The following NUTF2 variants were observed in gnomAD, a reference collection of about 807,000 sequenced individuals.
NUTF2 encodes the protein placental protein 15.
NUTF2 carries 3 observed loss-of-function variants against 18.5 expected under a neutral mutation model. The ratio of observed to expected loss-of-function variants is 0.16; its 90% CI spans 0.07 to 0.42. NUTF2 has a LOEUF of 0.42. NUTF2 is among the 10% of genes least tolerant of loss of function. The pLI, the probability that NUTF2 is intolerant of heterozygous loss-of-function variation, is 0.99. For missense variants in NUTF2, 44 were observed against 160.7 expected (o/e 0.27, Z 3.93); for synonymous variants, 51 against 57.9 (o/e 0.88, Z 0.54).
chr16:67,867,406 AACTT>A (rs1161010163), intron 2 of NUTF2, among the ~76,000 whole-genome samples: 1 of 152,232 alleles, frequency 6.6e-6, no homozygotes, highest in Non-Finnish European at 1.5e-5. Context: ...TCAGAGAAAT[AACTT>A]ACTTAATGTC....
At chr16:67,868,142 G>T (rs1361192174) in intron 2 of NUTF2, among the ~76,000 whole-genome samples, 198 bp from the exon 3 acceptor site, 1 of 152,220 alleles carries the variant, frequency 6.6e-6, no homozygotes, top group East Asian at 1.9e-4. Flanking sequence ...GTCTTTCAAA[G>T]CCTGGGCCCA....
intron 4 of NUTF2, chr16:67,870,136 A>G (rs2058001719): frequency 6.6e-6 from 1 of 152,350 alleles, no homozygotes; most frequent in African/African-American, 2.4e-5. Context: ...CAAAGGTAGT[A>G]AACACTGCTG....
chr16:67,859,974 TTA>T (rs1491496217), intron 1 of NUTF2, among the ~76,000 whole-genome samples: 3 of 150,800 alleles, frequency 2.0e-5, no homozygotes, highest in Non-Finnish European at 4.4e-5. Context: ...AGATATTTTA[TTA>T]TTTTTTTTTT....
intron 1 of NUTF2, 42 bp from the exon 2 acceptor site, chr16:67,865,060 C>T (rs1242443356): frequency 4.8e-6 from 5 of 1,033,096 alleles, no homozygotes; most frequent in East Asian, 5.0e-5. Flanking sequence ...CACCTACTCT[C>T]ATGGTACCAA....
intron 1 of NUTF2, among the ~76,000 whole-genome samples, chr16:67,854,175 T>G (rs1359585599): frequency 1.3e-5 from 2 of 152,194 alleles, no homozygotes; most frequent in East Asian, 3.9e-4. Flanking sequence ...GATCTTGATC[T>G]CTTGAACTCT....
At chr16:67,859,126 A>T (rs963495347) in intron 1 of NUTF2, among the ~76,000 whole-genome samples, 1 of 151,846 alleles carries the variant, frequency 6.6e-6, no homozygotes, top group African/African-American at 2.4e-5. Flanking sequence ...TCATGATTAC[A>T]GGTGTGAGCC....
At position 67,868,489 on chromosome 16, in the gene NUTF2, T is replaced by C; in HGVS notation, c.172-12T>C. 1 of 1,614,054 alleles carries C rather than the reference T, an allele frequency of 6.2e-7. No homozygotes were observed. ...GCCTTGGTTCTCCCACCTCCCACTCTCTCTCTTGTAGAGCCTTCCGTTCCA... is the reference window on the plus strand; with the variant it reads ...GCCTTGGTTCTCCCACCTCCCACTCCCTCTCTTGTAGAGCCTTCCGTTCCA... On this transcript the variant is annotated splice_polypyrimidine_tract_variant and intron_variant, in intron 3 of 4. Transcript: ENST00000219169.
intron 1 of NUTF2, among the ~76,000 whole-genome samples, chr16:67,851,109 C>T (rs2057853394): frequency 2.0e-5 from 3 of 151,990 alleles, no homozygotes; most frequent in Admixed American, 6.6e-5. Context: ...CCGAGCCCAT[C>T]TCTTCTCTCT....
chr16:67,858,696 C>G lies in NUTF2; in HGVS notation c.-29-6406C>G, dbSNP rs564786047. 3.1e-3 allele frequency among the ~76,000 whole-genome samples: 474 copies of G among 152,246 alleles called. 1 individual carries two copies. Among genetic ancestry groups the G allele is most frequent in the Non-Finnish European group, 5.4e-3 (369 of 68,018 alleles). On this transcript the variant is annotated intron_variant, in intron 1 of 4. Coordinates refer to ENST00000219169, the MANE Select transcript of NUTF2 (RefSeq NM_005796.3). ...GGGAGTGGCAAGAGATGAGGTTGGACAGCCAGGAGGGCCAGGTCACCTAGG... is the reference window on the plus strand; with the variant it reads ...GGGAGTGGCAAGAGATGAGGTTGGAGAGCCAGGAGGGCCAGGTCACCTAGG...
chr16:67,869,007 A>G (rs2057993581), intron 4 of NUTF2, among the ~76,000 whole-genome samples: 1 of 151,794 alleles, frequency 6.6e-6, no homozygotes, highest in African/African-American at 2.4e-5. Context: ...CCACTCCTGC[A>G]GCCCTTGCTA....
chr16:67,864,360 T>C (rs1298681712), intron 1 of NUTF2, among the ~76,000 whole-genome samples: 1 of 151,878 alleles, frequency 6.6e-6, no homozygotes, highest in African/African-American at 2.4e-5. Context: ...AAAATACAAA[T>C]TAGCTGGGTG....
chr16:67,852,832 A>G (rs1320132738), intron 1 of NUTF2, among the ~76,000 whole-genome samples: 1 of 151,200 alleles, frequency 6.6e-6, no homozygotes, highest in Non-Finnish European at 1.5e-5. Flanking sequence ...GGCATGTGCC[A>G]CCACGCCTGG....
chr16:67,849,835 T>G (rs2057839752), intron 1 of NUTF2, among the ~76,000 whole-genome samples: 1 of 151,996 alleles, frequency 6.6e-6, no homozygotes, highest in African/African-American at 2.4e-5. Context: ...ACTTTTTGTA[T>G]TTTTAGTAGA....
chr16:67,856,348 C>T (rs1350620021), intron 1 of NUTF2, among the ~76,000 whole-genome samples: 1 of 151,968 alleles, frequency 6.6e-6, no homozygotes, highest in Non-Finnish European at 1.5e-5. Flanking sequence ...CCCACCACCA[C>T]GCCTGGCAAA....
intron 2 of NUTF2, among the ~76,000 whole-genome samples, chr16:67,865,536 G>A (rs1168933132): frequency 6.6e-6 from 1 of 152,172 alleles, no homozygotes; most frequent in South Asian, 2.1e-4. Flanking sequence ...AGGGCTCATG[G>A]TGCCCTCTGG....
intron 1 of NUTF2, among the ~76,000 whole-genome samples, chr16:67,856,492 GT>G (rs34691084): frequency 2.3e-3 from 304 of 129,388 alleles, no homozygotes; most frequent in Non-Finnish European, 3.3e-3. Context: ...CCCTGGCCCA[GT>G]TTTTTTTTTT....
At chr16:67,862,998 G>A (rs1477556196) in intron 1 of NUTF2, among the ~76,000 whole-genome samples, 1 of 152,184 alleles carries the variant, frequency 6.6e-6, no homozygotes, top group Non-Finnish European at 1.5e-5. Flanking sequence ...ATGGCACCTT[G>A]GAAGCTGCAG....
At chr16:67,855,914 A>G in intron 1 of NUTF2, 1 of 579,838 alleles carries the variant, frequency 1.7e-6, no homozygotes, top group Non-Finnish European at 2.9e-6. Context: ...GGAAATGAGA[A>G]TAACTTTATT....
intron 1 of NUTF2, among the ~76,000 whole-genome samples, chr16:67,848,505 C>A (rs1360267119): frequency 6.6e-6 from 1 of 152,010 alleles, no homozygotes; most frequent in Non-Finnish European, 1.5e-5. Flanking sequence ...ATTGCTTGAA[C>A]CCGGGAGGTG....
Sources: allele counts gnomAD v4.1 joint callset (sites outside exome capture counted in the v4.1 genomes callset), GRCh38; gene constraint gnomAD v4.1.1; transcripts MANE v1.5; gene names NCBI Gene and HGNC (gene_info 2026-07-23, HGNC 2026-07-21).